Variants in RAP1GAP2 observed in about 807,000 individuals in gnomAD.
RAP1GAP2 encodes the protein RAP1 GTPase activating protein 2.
In RAP1GAP2, 27 loss-of-function variants were observed where a neutral mutation model predicts 95.0. That is an observed-to-expected ratio of 0.28 (90% CI 0.21 to 0.39). The LOEUF is 0.39. RAP1GAP2 is among the 10% of genes least tolerant of loss of function. RAP1GAP2 has a pLI of 1.00. For synonymous variants in RAP1GAP2, 373 were observed against 380.9 expected (o/e 0.98, Z 0.24); for missense variants, 771 against 970.0 (o/e 0.79, Z 2.72).
intron 14 of RAP1GAP2, among the ~76,000 whole-genome samples, chr17:2,999,644 C>T (rs909304443): frequency 6.6e-6 from 1 of 152,058 alleles, no homozygotes; most frequent in African/African-American, 2.4e-5. Context: ...TGATGTGAAT[C>T]GTCAGAAGAA....
chr17:2,957,653 G>C, intron 3 of RAP1GAP2, 106 bp from the exon 4 acceptor site: 1 of 1,283,420 alleles, frequency 7.8e-7, no homozygotes, highest in Admixed American at 2.2e-5. Context: ...TTTTGTCCCT[G>C]GGGAAGCCCC....
chr17:2,916,189 T>C (rs1260893616), intron 3 of RAP1GAP2, among the ~76,000 whole-genome samples: 1 of 152,200 alleles, frequency 6.6e-6, no homozygotes, highest in Non-Finnish European at 1.5e-5. Flanking sequence ...CTGCCAGGCA[T>C]GTAAGTGTAC....
chr17:2,866,588 T>A lies in RAP1GAP2; in HGVS notation c.81-38696T>A, dbSNP rs980981779. On this transcript the variant is annotated intron_variant, in intron 2 of 24. Transcript: ENST00000254695. The surrounding 1 kb of genome is among the most constrained non-coding windows in gnomAD (Gnocchi z 4.0). ...ATGTCCCTTCTGATTGGTAATTTAT[T>A]TTATTTATTTATTTTATTTTATTAT... Among the ~76,000 whole-genome samples, 1 of 152,142 alleles carries A rather than the reference T, an allele frequency of 6.6e-6. No homozygotes were observed. The highest frequency in any genetic ancestry group is 2.4e-5 in the African/African-American group (1 of 41,440).
Position 2,898,019 on chromosome 17 carries a change from C to T in RAP1GAP2, c.81-7265C>T, listed in dbSNP as rs192131372. 2.6e-3 allele frequency among the ~76,000 whole-genome samples: 394 copies of T among 150,564 alleles called. 2 individuals are homozygous for T. The highest frequency in any genetic ancestry group is 4.7e-3 in the Non-Finnish European group (318 of 67,790). ...CACTGTAGCCTTGATCTCCTAGGCT[C>T]AAGTGATCCTCCCACCTCAGCCTCC... On this transcript the variant is annotated intron_variant, in intron 2 of 24. Transcript: ENST00000254695.
chr17:2,808,173 A>G (rs2069601968), intron 2 of RAP1GAP2, among the ~76,000 whole-genome samples: 1 of 152,046 alleles, frequency 6.6e-6, no homozygotes, highest in East Asian at 1.9e-4. Flanking sequence ...TGGTGGTGTG[A>G]CAAGGACCCC....
At chr17:2,938,943 C>T (rs1036805735) in intron 3 of RAP1GAP2, among the ~76,000 whole-genome samples, 8 of 152,078 alleles carry the variant, frequency 5.3e-5, no homozygotes, top group Non-Finnish European at 1.0e-4. Flanking sequence ...CCGAGATCAT[C>T]CCATTGCATT....
At chr17:2,817,097 C>T (rs568944238) in intron 2 of RAP1GAP2, among the ~76,000 whole-genome samples, 2 of 112,522 alleles carry the variant, frequency 1.8e-5, no homozygotes, top group South Asian at 2.8e-4. Context: ...AAGCGTTTCT[C>T]GTGCCTCAGC....
chr17:2,790,893 C>T (rs1351726986), intron 1 of RAP1GAP2, among the ~76,000 whole-genome samples: 1 of 152,192 alleles, frequency 6.6e-6, no homozygotes. Flanking sequence ...CTTGGCTCTA[C>T]CTGCCTCAAA....
chr17:2,785,687 G>A (rs1167302199), intron 1 of RAP1GAP2, among the ~76,000 whole-genome samples: 4 of 151,948 alleles, frequency 2.6e-5, no homozygotes, highest in Non-Finnish European at 5.9e-5. Flanking sequence ...TTTCTTTTTC[G>A]GGAAGCTCGG....
chr17:2,980,533 C>A (rs574993419), intron 9 of RAP1GAP2, among the ~76,000 whole-genome samples, 168 bp downstream of exon 9: 477 of 152,270 alleles, frequency 3.1e-3, no homozygotes, highest in Admixed American at 7.4e-3. Flanking sequence ...GGGCTGTGGG[C>A]AGATGCCTCT....
intron 3 of RAP1GAP2, among the ~76,000 whole-genome samples, chr17:2,938,054 A>C (rs2043356878): frequency 6.6e-6 from 1 of 152,224 alleles, no homozygotes; most frequent in African/African-American, 2.4e-5. Context: ...GGGAGCGAGC[A>C]CGGAGCCAGG....
intron 3 of RAP1GAP2, among the ~76,000 whole-genome samples, chr17:2,947,908 C>A (rs576350173): frequency 1.3e-5 from 2 of 152,132 alleles, no homozygotes; most frequent in East Asian, 3.9e-4. Context: ...TGCTTCTCCC[C>A]CCAGCACTTT....
At chr17:3,025,294 T>C (rs1413152475) in intron 19 of RAP1GAP2, among the ~76,000 whole-genome samples, 2 of 152,146 alleles carry the variant, frequency 1.3e-5, no homozygotes, top group African/African-American at 4.8e-5. Context: ...GGAGAATCAC[T>C]TGAACCTGGG....
intron 2 of RAP1GAP2, among the ~76,000 whole-genome samples, chr17:2,826,811 T>G (rs2070587167): frequency 6.6e-6 from 1 of 152,112 alleles, no homozygotes; most frequent in East Asian, 1.9e-4. Flanking sequence ...ATCGAGACCA[T>G]CCTGGCCAAC....
intron 7 of RAP1GAP2, 77 bp downstream of exon 7, chr17:2,964,145 G>A: frequency 7.5e-7 from 1 of 1,338,584 alleles, no homozygotes; most frequent in African/African-American, 1.5e-5. Context: ...GTACCAGGCG[G>A]TAGGGGATGG....
At chr17:2,823,298 A>T (rs59016776) in intron 2 of RAP1GAP2, among the ~76,000 whole-genome samples, 10 of 151,920 alleles carry the variant, frequency 6.6e-5, no homozygotes, top group Admixed American at 2.0e-4. Context: ...TTGGTCTCCC[A>T]CCCCGGGGCC....
At chr17:2,845,185 C>T (rs2071533798) in intron 2 of RAP1GAP2, among the ~76,000 whole-genome samples, 2 of 152,186 alleles carry the variant, frequency 1.3e-5, no homozygotes, top group African/African-American at 4.8e-5. Context: ...CTCTGTTGCT[C>T]ACGCTGGAGT....
At chr17:2,792,682 C>T (rs919020878), upstream of RAP1GAP2, among the ~76,000 whole-genome samples, 6 of 152,222 alleles carry the variant, frequency 3.9e-5, no homozygotes, top group South Asian at 2.1e-4. Flanking sequence ...GGCCGGCAGC[C>T]GGGCCAGTCC....
intron 2 of RAP1GAP2, among the ~76,000 whole-genome samples, chr17:2,880,275 A>T (rs2073237605): frequency 1.3e-5 from 2 of 149,676 alleles, no homozygotes; most frequent in Admixed American, 6.7e-5. Flanking sequence ...ACAGGAACCC[A>T]CAGGCTGTGT....
Sources: allele counts gnomAD v4.1 joint callset (sites outside exome capture counted in the v4.1 genomes callset), GRCh38; gene constraint gnomAD v4.1.1; non-coding constraint Gnocchi (gnomAD v3.1); transcripts MANE v1.5; gene names NCBI Gene and HGNC (gene_info 2026-07-23, HGNC 2026-07-21).